Variants in PHEX observed in about 807,000 individuals in gnomAD.
PHEX encodes the protein phosphate-regulating neutral endopeptidase PHEX.
A neutral mutation model predicts 68.0 loss-of-function variants in PHEX; 16 were observed. The observed-to-expected ratio is 0.24, with a 90% CI of 0.16 to 0.36. PHEX has a LOEUF of 0.36. PHEX is among the 10% of genes least tolerant of loss of function. The pLI is 1.00. For synonymous variants in PHEX, 208 were observed against 205.1 expected (o/e 1.01, Z -0.12); for missense variants, 480 against 575.5 (o/e 0.83, Z 1.70).
intron 15 of PHEX, among the ~76,000 whole-genome samples, chrX:22,194,618 C>T (rs961963882): frequency 8.9e-6 from 1 of 112,501 alleles, no homozygotes; most frequent in East Asian, 2.8e-4. Flanking sequence ...TTATCATTTT[C>T]TGATTTATGC....
chrX:22,063,141 A>G (rs192473219), intron 3 of PHEX, among the ~76,000 whole-genome samples: 306 of 111,874 alleles, frequency 2.7e-3, no homozygotes, highest in Middle Eastern at 0.014. Context: ...GCCTTTGTAC[A>G]TTAGAGAAGT....
chrX:22,196,858 G>A (rs1046425726), intron 15 of PHEX, among the ~76,000 whole-genome samples: 29 of 111,585 alleles, frequency 2.6e-4, no homozygotes, highest in Non-Finnish European at 5.5e-4. Flanking sequence ...TCCAGAGGCT[G>A]GGCTTATGGG....
intron 20 of PHEX, among the ~76,000 whole-genome samples, chrX:22,238,635 G>A (rs1416930252): frequency 9.0e-6 from 1 of 111,659 alleles, no homozygotes; most frequent in East Asian, 2.8e-4. Context: ...CCCTCACAGT[G>A]TAAACAAAGC....
At chrX:22,033,594 A>C (rs1926894313) in intron 1 of PHEX, among the ~76,000 whole-genome samples, 1 of 112,421 alleles carries the variant, frequency 8.9e-6, no homozygotes, top group African/African-American at 3.2e-5. Flanking sequence ...AGTCCTTTAA[A>C]GTGTGCTTTT....
intron 6 of PHEX, among the ~76,000 whole-genome samples, chrX:22,093,677 G>A (rs1027683077): frequency 9.0e-6 from 1 of 111,661 alleles, no homozygotes; most frequent in African/African-American, 3.3e-5. Context: ...TTCTATTCTT[G>A]TCTCATTTGG....
At chrX:22,221,566 A>G (rs765244049) in intron 17 of PHEX, 47 bp from the exon 18 acceptor site, 3 of 1,110,035 alleles carry the variant, frequency 2.7e-6, no homozygotes, top group Non-Finnish European at 2.5e-6. Flanking sequence ...AGATGAATTT[A>G]GTTTCCATAA....
chrX:22,039,775 C>T (rs888372335), intron 2 of PHEX, among the ~76,000 whole-genome samples: 2 of 111,582 alleles, frequency 1.8e-5, no homozygotes, highest in African/African-American at 6.5e-5. Context: ...TGGGAAAAAC[C>T]AGCAGCTGGA....
chrX:22,097,642 G>A (rs184146804), intron 8 of PHEX: 10 of 412,795 alleles, frequency 2.4e-5, no homozygotes, highest in African/African-American at 8.1e-5. Context: ...CGTTTCAACA[G>A]TGGACACAGG....
chrX:22,227,486 CTCT>C lies in PHEX; in HGVS notation c.1966-11_1966-9del, dbSNP rs767350363. The stretch of plus-strand genomic sequence containing the variant: ...AAAACCCACCGTTGCAGAGACTCAT[CTCT>C]TCTTCTTCTCTCACCAGGCTTACAG... On this transcript the variant is annotated intron_variant, in intron 19 of 21. Coordinates refer to ENST00000379374, the MANE Select transcript of PHEX (RefSeq NM_000444.6). 7.9e-5 allele frequency: 87 copies of C among 1,096,051 alleles called. No individual in the cohort carries two copies. The highest frequency in any genetic ancestry group is 3.9e-4 in the East Asian group (13 of 33,275). The allele number at this position is 1,096,051 out of a possible 1,213,427, so 90.3% of individuals were successfully genotyped here. A position where few individuals can be genotyped will look rare whatever the true frequency, so the allele number is the denominator to read the frequency against.
chrX:22,229,210 A>ATCTT (rs1179864990), intron 20 of PHEX, among the ~76,000 whole-genome samples: 1 of 111,839 alleles, frequency 8.9e-6, no homozygotes, highest in African/African-American at 3.3e-5. Context: ...TGTGCATGGC[A>ATCTT]TCTTTCTTTA....
At chrX:22,183,572 A>G (rs1156504446) in intron 14 of PHEX, among the ~76,000 whole-genome samples, 2 of 111,970 alleles carry the variant, frequency 1.8e-5, no homozygotes, top group Non-Finnish European at 3.8e-5. Context: ...TTTTAGATTT[A>G]GGCTTCTTAA....
chrX:22,209,782 TCCCTCTCTCTCTCC>T (rs1411824398), intron 15 of PHEX, among the ~76,000 whole-genome samples: 4 of 82,412 alleles, frequency 4.9e-5, no homozygotes, highest in African/African-American at 2.0e-4. Context: ...CTCCCTCTCC[TCCCTCTCTCTCTCC>T]CTCTCCCTCT....
At chrX:22,224,408 C>T (rs982927005) in intron 18 of PHEX, among the ~76,000 whole-genome samples, 2 of 112,116 alleles carry the variant, frequency 1.8e-5, no homozygotes, top group African/African-American at 3.2e-5. Flanking sequence ...GCACGAACTG[C>T]ACCACAGAAA....
Position 22,032,902 on chromosome X carries a change from G to T in PHEX, c.-104G>T. 6 of 602,542 alleles carry T rather than the reference G, an allele frequency of 1.0e-5. No individual in the cohort carries two copies. The highest frequency in any genetic ancestry group is 1.8e-5 in the Non-Finnish European group (6 of 340,672). 49.7% of individuals were successfully genotyped at this position (602,542 alleles called of 1,213,427 possible). ...CGGCAGTTTCTTAAGCTGTCCATTA[G>T]TAGAAGAGCAAGAAAGCCTTGGATG... is the stretch of plus-strand genomic sequence containing the variant. On this transcript the variant is annotated 5_prime_UTR_variant, in exon 1 of 22. Coordinates refer to ENST00000379374, the MANE Select transcript of PHEX (RefSeq NM_000444.6).
chrX:22,246,031 T>A (rs1267986849), intron 21 of PHEX, among the ~76,000 whole-genome samples: 1 of 112,068 alleles, frequency 8.9e-6, no homozygotes, highest in African/African-American at 3.2e-5. Flanking sequence ...TCAGCAATTA[T>A]AATTTATATC....
At chrX:22,107,071 G>A (rs1930733255) in intron 9 of PHEX, among the ~76,000 whole-genome samples, 1 of 112,078 alleles carries the variant, frequency 8.9e-6, no homozygotes, top group Admixed American at 9.5e-5. Flanking sequence ...CACTGAATAT[G>A]TGATCGTGAG....
intron 11 of PHEX, among the ~76,000 whole-genome samples, chrX:22,124,275 G>T (rs989732264): frequency 4.5e-5 from 5 of 112,268 alleles, no homozygotes; most frequent in African/African-American, 1.6e-4. Flanking sequence ...AATTTAGATA[G>T]CTCATTGGGA....
intron 16 of PHEX, among the ~76,000 whole-genome samples, chrX:22,214,018 A>C (rs769940330): frequency 1.8e-5 from 2 of 112,184 alleles, no homozygotes; most frequent in Admixed American, 1.9e-4. Flanking sequence ...TATGGCTGCC[A>C]AAATGAATTA....
intron 14 of PHEX, among the ~76,000 whole-genome samples, chrX:22,179,285 A>C (rs1235676641): frequency 9.0e-6 from 1 of 110,729 alleles, no homozygotes; most frequent in African/African-American, 3.3e-5. Context: ...CAACTCCAGA[A>C]TTTCTTTTTT....
Sources: gnomAD v4.1 joint callset for allele counts (sites outside exome capture counted in the v4.1 genomes callset) on GRCh38, gnomAD v4.1.1 for gene constraint, MANE v1.5 for transcripts, NCBI Gene and HGNC (gene_info 2026-07-23, HGNC 2026-07-21) for gene names.